Variants in PACRG observed in about 807,000 individuals in gnomAD.
The protein encoded by PACRG is parkin coregulated, also known as parkin coregulated gene protein.
A neutral mutation model predicts 29.7 loss-of-function variants in PACRG; 29 were observed. The observed-to-expected ratio is 0.98, with a 90% CI of 0.73 to 1.33. The LOEUF (loss-of-function observed/expected upper bound fraction) is 1.33. Ranked by LOEUF, PACRG falls within the 40% of genes most tolerant of loss-of-function variation. The pLI is 0.00. For synonymous variants in PACRG, 116 were observed against 118.7 expected (o/e 0.98, Z 0.15); for missense variants, 279 against 316.2 (o/e 0.88, Z 0.89).
intron 1 of PACRG, among the ~76,000 whole-genome samples, chr6:162,733,505 C>A (rs1362229016): frequency 2.0e-5 from 3 of 152,084 alleles, no homozygotes; most frequent in Non-Finnish European, 2.9e-5. Flanking sequence ...TTTAAGCCAT[C>A]CTCTCTAATT....
intron 4 of PACRG, among the ~76,000 whole-genome samples, chr6:163,275,706 A>G (rs1783999643): frequency 6.6e-6 from 1 of 152,126 alleles, no homozygotes; most frequent in Non-Finnish European, 1.5e-5. Context: ...CTGGCTGTTC[A>G]ATTATTTTTC....
intron 4 of PACRG, among the ~76,000 whole-genome samples, chr6:163,177,422 A>G (rs1227087052): frequency 6.6e-6 from 1 of 152,226 alleles, no homozygotes; most frequent in African/African-American, 2.4e-5. Flanking sequence ...AACCTGGAAG[A>G]GTCTCACATC....
At chr6:163,203,008 C>T (rs528216964) in intron 4 of PACRG, among the ~76,000 whole-genome samples, 22 of 152,266 alleles carry the variant, frequency 1.4e-4, no homozygotes, top group Admixed American at 7.2e-4. Flanking sequence ...GAAGCACCTT[C>T]GGTTGCCTGC....
intron 4 of PACRG, among the ~76,000 whole-genome samples, chr6:163,140,149 A>G (rs984557430): frequency 2.0e-5 from 3 of 152,232 alleles, no homozygotes; most frequent in Non-Finnish European, 4.4e-5. Flanking sequence ...ATAGACATTT[A>G]CATGCTATGT....
chr6:163,155,117 C>CA (rs1778258594), intron 4 of PACRG, among the ~76,000 whole-genome samples: 1 of 152,216 alleles, frequency 6.6e-6, no homozygotes, highest in South Asian at 2.1e-4. Context: ...ACAAAACTCT[C>CA]AAATCAACTG....
intron 4 of PACRG, chr6:163,095,493 A>G (rs986231142): frequency 1.1e-6 from 1 of 916,016 alleles, no homozygotes; most frequent in Non-Finnish European, 1.3e-6. Flanking sequence ...CTTAAACAAC[A>G]GAAATGTATC....
chr6:162,901,615 A>G (rs1317838609), intron 2 of PACRG, among the ~76,000 whole-genome samples: 1 of 152,258 alleles, frequency 6.6e-6, no homozygotes, highest in Non-Finnish European at 1.5e-5. Flanking sequence ...AACAACCTCA[A>G]AAACAACGTA....
intron 2 of PACRG, among the ~76,000 whole-genome samples, chr6:162,994,644 A>C (rs1584959339): frequency 6.9e-6 from 1 of 144,962 alleles, no homozygotes; most frequent in African/African-American, 2.7e-5. Context: ...ACATTCTTCT[A>C]AATTTTTTTC....
intron 4 of PACRG, among the ~76,000 whole-genome samples, chr6:163,201,737 C>T (rs1263920901): frequency 1.3e-5 from 2 of 152,208 alleles, no homozygotes; most frequent in Admixed American, 6.5e-5. Context: ...ACCTCACCTG[C>T]GCAATTAGGT....
At chr6:163,154,153 G>A (rs1778218752) in intron 4 of PACRG, among the ~76,000 whole-genome samples, 1 of 152,202 alleles carries the variant, frequency 6.6e-6, no homozygotes, top group African/African-American at 2.4e-5. Flanking sequence ...GCCCTTAACG[G>A]CCAGCCCTGG....
At chr6:163,218,120 T>C (rs1050543887) in intron 4 of PACRG, among the ~76,000 whole-genome samples, 1 of 152,134 alleles carries the variant, frequency 6.6e-6, no homozygotes, top group African/African-American at 2.4e-5. Flanking sequence ...TGCGAATAAA[T>C]TAGCTTCCTC....
At chr6:162,892,334 C>T (rs991448949) in intron 2 of PACRG, among the ~76,000 whole-genome samples, 2 of 152,192 alleles carry the variant, frequency 1.3e-5, no homozygotes, top group Non-Finnish European at 2.9e-5. Context: ...TTGGTCTCCT[C>T]CTGGTCACAC....
chr6:163,259,277 T>A (rs1783230075), intron 4 of PACRG, among the ~76,000 whole-genome samples: 1 of 152,220 alleles, frequency 6.6e-6, no homozygotes, highest in Admixed American at 6.5e-5. Flanking sequence ...ATGCTAAGAC[T>A]GGCTAATAAC....
intron 2 of PACRG, among the ~76,000 whole-genome samples, chr6:162,988,286 G>C (rs918495852): frequency 1.3e-5 from 2 of 152,182 alleles, no homozygotes; most frequent in Non-Finnish European, 2.9e-5. Flanking sequence ...GGGACACAGA[G>C]TGGGATTGGA....
At chr6:162,877,549 C>T (rs1355426124) in intron 2 of PACRG, among the ~76,000 whole-genome samples, 6 of 149,782 alleles carry the variant, frequency 4.0e-5, no homozygotes, top group African/African-American at 7.4e-5. Flanking sequence ...CAAACCTGCA[C>T]GTTCTGCACA....
At chr6:163,007,341 A>G (rs1023569913) in intron 2 of PACRG, among the ~76,000 whole-genome samples, 2 of 152,136 alleles carry the variant, frequency 1.3e-5, no homozygotes, top group Non-Finnish European at 2.9e-5. Flanking sequence ...ATTTTCCCAT[A>G]TAGTTGACAT....
At chr6:163,226,056 G>C (rs956704541) in intron 4 of PACRG, among the ~76,000 whole-genome samples, 1 of 152,054 alleles carries the variant, frequency 6.6e-6, no homozygotes, top group South Asian at 2.1e-4. Flanking sequence ...TCTCATTTTC[G>C]ACAACATGAA....
At chr6:162,980,767 C>T (rs1159086442) in intron 2 of PACRG, among the ~76,000 whole-genome samples, 1 of 152,084 alleles carries the variant, frequency 6.6e-6, no homozygotes, top group Non-Finnish European at 1.5e-5. Context: ...ATGTATGGCC[C>T]CGCCTTTAAG....
At chr6:163,007,117 C>T (rs7751960) in intron 2 of PACRG, among the ~76,000 whole-genome samples, 79,704 of 151,816 alleles carry the variant, frequency 0.53, 23,193 homozygotes, top group African/African-American at 0.78. Context: ...AAGTTTGCAG[C>T]ACATATTTTT....
Sources: gnomAD v4.1 joint callset for allele counts (sites outside exome capture counted in the v4.1 genomes callset) on GRCh38, gnomAD v4.1.1 for gene constraint, MANE v1.5 for transcripts, NCBI Gene and HGNC (gene_info 2026-07-23, HGNC 2026-07-21) for gene names.